ARHGEF2: variants seen among roughly 807,000 people sequenced by gnomAD.
ARHGEF2 encodes the protein Rho/Rac guanine nucleotide exchange factor 2, also known as rho guanine nucleotide exchange factor 2.
Under a neutral mutation model 121.0 loss-of-function variants are expected in ARHGEF2, and 22 were observed. The observed-to-expected ratio is 0.18, with a 90% CI of 0.13 to 0.26. ARHGEF2 has a LOEUF of 0.26. Among genes scored for constraint, ARHGEF2 ranks in the 10% least tolerant of loss-of-function variants. The pLI is 1.00. For missense variants in ARHGEF2, 907 were observed against 1,336.0 expected, an observed-to-expected ratio of 0.68 and a Z score of 5.01; for synonymous variants, 487 against 530.0, an observed-to-expected ratio of 0.92 and a Z score of 1.11.
rs1213753816 is a variant in ARHGEF2, at chr1:155,978,167, G to T, written c.63+198C>A. 2.3e-6 allele frequency: 3 copies of T among 1,296,952 alleles called. No individual in the cohort carries two copies. Among genetic ancestry groups the T allele is most frequent in the South Asian group, 1.9e-5 (1 of 51,628 alleles). The allele number at this position is 1,296,952 out of a possible 1,614,324, so 80.3% of individuals were successfully genotyped here. On this transcript the variant is annotated intron_variant, in intron 1 of 21. Coordinates refer to ENST00000361247, the MANE Select transcript of ARHGEF2 (RefSeq NM_001162383.2). The surrounding 1 kb of genome is among the most constrained non-coding windows in gnomAD (Gnocchi z 4.1). ...CGCTCCCTCCCGGGATCCCAGCACC[G>T]TCGCGTCTGCCGCTCCCCCCACCCC...
At chr1:155,948,086 G>T in intron 21 of ARHGEF2, 71 bp from the exon 22 acceptor site, 2 of 1,297,196 alleles carry the variant, frequency 1.5e-6, no homozygotes, top group South Asian at 1.4e-5. Flanking sequence ...CTAGACTAAT[G>T]CCTCCCCATC....
chr1:155,963,033 C>A lies in ARHGEF2; in HGVS notation c.875G>T (p.Arg292Leu), dbSNP rs139042491. Residue 292 changes from arginine (R) to leucine (L), a missense_variant, in exon 8 of 22, where the codon CGC becomes CTC. Physicochemically the swap from Arg to Leu is moderately radical, Grantham distance 102. Around this residue, in one of 2 missense-constraint regions of ARHGEF2, gnomAD observed 475 missense variants for 776.5 expected, o/e 0.61. Coordinates refer to ENST00000361247, the MANE Select transcript of ARHGEF2 (RefSeq NM_001162383.2). ...CVDELSDIHT[R>L]FLSQLLERRR... is the part of the protein sequence containing the mutation. Reference sequence around the variant, plus strand: ...GCGTTCTAATAGCTGGCTGAGGAAGCGTGTATGGATGTCACTGAGCTCGTC... The same window carrying A: ...GCGTTCTAATAGCTGGCTGAGGAAGAGTGTATGGATGTCACTGAGCTCGTC... 5 of 1,614,112 alleles carry A rather than the reference C, an allele frequency of 3.1e-6. No homozygotes were observed. The highest frequency in any genetic ancestry group is 2.5e-6 in the Non-Finnish European group (3 of 1,180,030).
Position 155,962,225 on chromosome 1 carries a change from A to G in ARHGEF2, c.1102-3T>C, listed in dbSNP as rs749884648. ...AGCACGGCGGGGCGGGTCACTTTCT[A>G]CAAGGGAGGAGGCAGGGCTCAGGGC... On this transcript the variant is annotated splice_polypyrimidine_tract_variant and splice_region_variant and intron_variant, in intron 9 of 21. Transcript: ENST00000361247. This position sits in a 1 kb window ranked among gnomAD's most constrained non-coding sequence, Gnocchi z 5.8. 2 of 1,613,540 alleles carry G rather than the reference A, an allele frequency of 1.2e-6. No homozygotes were observed. Among genetic ancestry groups the G allele is most frequent in the Admixed American group, 1.7e-5 (1 of 60,018 alleles).
At chr1:155,966,609 A>G in intron 3 of ARHGEF2, 130 bp from the exon 4 acceptor site, 2 of 1,110,302 alleles carry the variant, frequency 1.8e-6, no homozygotes, top group Non-Finnish European at 1.4e-6. Context: ...TAAGGGGATC[A>G]GGGTGATTGA....
At position 155,965,558 on chromosome 1, in the gene ARHGEF2, G is replaced by A; in HGVS notation, c.470+73C>T. The A allele has an allele frequency of 6.2e-7, 1 of 1,609,052 alleles. No individual in the cohort carries two copies. The highest frequency in any genetic ancestry group is 1.1e-5 in the South Asian group (1 of 90,488). ...ACAGTTCTGAACTCAGGGATGGAAA[G>A]GGACCTCTCAGCACCCCCTTGGCCT... On this transcript the variant is annotated intron_variant, in intron 5 of 21. Transcript: ENST00000361247. The surrounding 1 kb of genome is among the most constrained non-coding windows in gnomAD (Gnocchi z 6.0).
rs1678121097 is a variant in ARHGEF2 at position 155,962,291 on chromosome 1, G to A, written c.1102-69C>T. The A allele has an allele frequency of 3.3e-6, 5 of 1,495,972 alleles. No individual in the cohort carries two copies. In the Admixed American group the frequency reaches 5.3e-5, roughly 16 times the overall value. 92.7% of individuals were successfully genotyped at this position (1,495,972 alleles called of 1,614,324 possible). A position where few individuals can be genotyped will look rare whatever the true frequency, so the allele number is the denominator to read the frequency against. On this transcript the variant is annotated intron_variant, in intron 9 of 21. Transcript: ENST00000361247. This position sits in a 1 kb window ranked among gnomAD's most constrained non-coding sequence, Gnocchi z 5.8. ...CAGAAAGGCCTGGGGCCTGAGCTCT[G>A]GTGCTGGCCCTGGCGTGGCCATTTA...
At chr1:155,976,424 G>A (rs1192655909) in intron 1 of ARHGEF2, among the ~76,000 whole-genome samples, 7 of 130,212 alleles carry the variant, frequency 5.4e-5, no homozygotes, top group African/African-American at 1.5e-4. Context: ...CTCAGCCCCC[G>A]ACTCCCTGCT....
rs2102658178 is a variant in ARHGEF2, at chr1:155,961,635, T to C, written c.1468+26A>G. ...CACTCTCCATCTGACTTTGAATTCC[T>C]GCCTAGTCTGCCGAGCAGGTCTGAC... On this transcript the variant is annotated intron_variant, in intron 11 of 21. Transcript: ENST00000361247. The surrounding 1 kb of genome is among the most constrained non-coding windows in gnomAD (Gnocchi z 4.7). 1 of 1,594,840 alleles carries C rather than the reference T, an allele frequency of 6.3e-7. No individual in the cohort carries two copies. Among genetic ancestry groups the C allele is most frequent in the African/African-American group, 1.3e-5 (1 of 74,804 alleles).
chr1:155,957,637 G>T, intron 13 of ARHGEF2, 76 bp downstream of exon 13: 1 of 1,471,278 alleles, frequency 6.8e-7, no homozygotes, highest in South Asian at 1.3e-5. Flanking sequence ...TGTTCCCAGG[G>T]AGTTCTATGG....
chr1:155,952,326 C>T lies in ARHGEF2; in HGVS notation c.1985-91G>A, dbSNP rs972073738. On this transcript the variant is annotated intron_variant, in intron 15 of 21. Transcript: ENST00000361247. ...CCCCACATGTGGGACACTTGGGCATCTGGGGGAATGCCCCCTGCACTGGCA... is the reference window on the plus strand; with the variant it reads ...CCCCACATGTGGGACACTTGGGCATTTGGGGGAATGCCCCCTGCACTGGCA... 8.7e-5 allele frequency: 135 copies of T among 1,545,694 alleles called. 1 individual carries two copies. In the Middle Eastern group the frequency reaches 3.5e-3, roughly 40 times the overall value.
chr1:155,959,682 C>T (rs1393002591), intron 11 of ARHGEF2, among the ~76,000 whole-genome samples: 1 of 151,926 alleles, frequency 6.6e-6, no homozygotes, highest in African/African-American at 2.4e-5. Context: ...GTAGCTGTGG[C>T]TACAGGTGAA....
At position 155,950,069 on chromosome 1, in the gene ARHGEF2, A is replaced by G. The variant is rs1675101250; in HGVS notation, c.2887+230T>C. ...GAGCCGCCATGCCTTTTTAAAAAAG[A>G]ATCTGTTTTTACTTCTAAAGGTTGG... is the stretch of plus-strand genomic sequence containing the variant. On this transcript the variant is annotated intron_variant, in intron 21 of 21. Coordinates refer to ENST00000361247, the MANE Select transcript of ARHGEF2 (RefSeq NM_001162383.2). The surrounding 1 kb of genome is among the most constrained non-coding windows in gnomAD (Gnocchi z 5.2). Among the ~76,000 whole-genome samples, 2 of 152,202 alleles carry G rather than the reference A, an allele frequency of 1.3e-5. No homozygotes were observed. Among genetic ancestry groups the G allele is most frequent in the African/African-American group, 2.4e-5 (1 of 41,552 alleles).
At chr1:155,956,124 G>C (rs1312028611) in intron 13 of ARHGEF2, among the ~76,000 whole-genome samples, 3 of 151,866 alleles carry the variant, frequency 2.0e-5, no homozygotes, top group African/African-American at 7.3e-5. Context: ...TTTGGAGATG[G>C]AGTCTCACTC....
chr1:155,957,800 G>T lies in ARHGEF2; in HGVS notation c.1628C>A (p.Ala543Glu). 6.2e-7 allele frequency: 1 copy of T among 1,614,232 alleles called. No individual in the cohort carries two copies. Among genetic ancestry groups the T allele is most frequent in the Non-Finnish European group, 8.5e-7 (1 of 1,180,046 alleles). ...CACCTCGTACATCTCAGGTGGGGCT[G>T]CGCTGATCAGAAACATCCCTTTCTC... ...NQEKGMFLIS[A>E]APPEMYEVHT... The change falls in exon 13 of 22, where the codon GCA becomes GAA. Residue 543 changes from alanine to glutamate, a missense_variant. By Grantham distance (107) the Ala-to-Glu change is moderately radical (BLOSUM62 -1). Around this residue, in one of 2 missense-constraint regions of ARHGEF2, gnomAD observed 475 missense variants for 776.5 expected, o/e 0.61. Transcript: ENST00000361247.
Position 155,966,476 on chromosome 1 carries a change from G to A in ARHGEF2, c.280C>T (p.Gln94Ter). The A allele has an allele frequency of 6.2e-7, 1 of 1,614,110 alleles. No individual in the cohort carries two copies. The highest frequency in any genetic ancestry group is 8.5e-7 in the Non-Finnish European group (1 of 1,179,976). Residue 94 changes from glutamine (Q) to a stop codon, truncating the protein, a stop_gained, in exon 4 of 22, where the codon CAG becomes TAG. Coordinates refer to ENST00000361247, the MANE Select transcript of ARHGEF2 (RefSeq NM_001162383.2). LOFTEE classifies it high-confidence loss of function. ...ANCTKVKQKQ[Q>*]KAALLKNNTA... ...TTGTTCTTCAGCAGGGCCGCTTTCTGTTGCTGTGAGACAGAGAGCAGGAGA... is the reference window on the plus strand; with the variant it reads ...TTGTTCTTCAGCAGGGCCGCTTTCTATTGCTGTGAGACAGAGAGCAGGAGA...
intron 1 of ARHGEF2, among the ~76,000 whole-genome samples, chr1:155,971,842 G>GT (rs1268899561): frequency 1.3e-5 from 2 of 151,120 alleles, no homozygotes; most frequent in Middle Eastern, 3.4e-3. Flanking sequence ...GAGGCCAGGA[G>GT]TTTGAGAACA....
chr1:155,957,837 T>C lies in ARHGEF2; in HGVS notation c.1591A>G (p.Ile531Val). 6.2e-7 allele frequency: 1 copy of C among 1,614,242 alleles called. No homozygotes were observed. Among genetic ancestry groups the C allele is most frequent in the Non-Finnish European group, 8.5e-7 (1 of 1,180,036 alleles). The change falls in exon 13 of 22, where the codon ATT becomes GTT. Residue 531 changes from isoleucine to valine, a missense_variant. Physicochemically the swap from Ile to Val is conservative, Grantham distance 29. Transcript: ENST00000361247. ...AACATCCCTTTCTCCTGGTTGGCAA[T>C]GTCTCGTACGATTAGATTCTGCAGC... The part of the protein sequence containing the change: ...VSLQNLIVRD[I>V]ANQEKGMFLI...
At chr1:155,976,713 C>T (rs543281859) in intron 1 of ARHGEF2, among the ~76,000 whole-genome samples, 1 of 150,264 alleles carries the variant, frequency 6.7e-6, no homozygotes, top group Non-Finnish European at 1.5e-5. Flanking sequence ...AAAAAACCTC[C>T]CCCGCCCCCC....
chr1:155,954,490 G>C (rs78073140), intron 14 of ARHGEF2, among the ~76,000 whole-genome samples: 1 of 120,424 alleles, frequency 8.3e-6, no homozygotes, highest in Non-Finnish European at 1.8e-5. Flanking sequence ...GGGTTTCACC[G>C]TGTTAGCCAG....
Sources: allele counts gnomAD v4.1 joint callset (sites outside exome capture counted in the v4.1 genomes callset), GRCh38; gene constraint gnomAD v4.1.1; regional missense constraint gnomAD v4.1.1; non-coding constraint Gnocchi (gnomAD v3.1); transcripts MANE v1.5; gene names NCBI Gene and HGNC (gene_info 2026-07-23, HGNC 2026-07-21).